INO80: variants seen among roughly 807,000 people sequenced by gnomAD.
INO80 encodes the protein INO80 complex ATPase subunit.
A neutral mutation model predicts 203.4 loss-of-function variants in INO80; 20 were observed. The ratio of observed to expected loss-of-function variants is 0.10; its 90% CI spans 0.07 to 0.14. The LOEUF (loss-of-function observed/expected upper bound fraction) is 0.14. INO80 is among the 10% of genes least tolerant of loss of function. INO80 has a pLI of 1.00. For missense variants in INO80, 1,419 were observed against 1,914.4 expected (o/e 0.74, Z 4.83); for synonymous variants, 726 against 685.2 (o/e 1.06, Z -0.93).
chr15:41,050,865 G>A (rs1488045352), intron 19 of INO80, among the ~76,000 whole-genome samples: 3 of 152,136 alleles, frequency 2.0e-5, no homozygotes, highest in Non-Finnish European at 4.4e-5. Flanking sequence ...CGGACGCAGT[G>A]GCTCACGCCT....
chr15:41,094,585 AATCAAC>A (rs2045692900), intron 4 of INO80, among the ~76,000 whole-genome samples: 1 of 152,192 alleles, frequency 6.6e-6, no homozygotes, highest in Non-Finnish European at 1.5e-5. Context: ...GGATGCACTA[AATCAAC>A]ATCTGTTAAA....
chr15:41,037,459 G>A (rs1220654227), intron 24 of INO80, among the ~76,000 whole-genome samples: 12 of 151,654 alleles, frequency 7.9e-5, no homozygotes, highest in African/African-American at 2.2e-4. Flanking sequence ...AGCCAATATC[G>A]TGCCACTGCA....
rs543027834 is a variant in INO80, at chr15:41,039,853, G to A, written c.2907+5051C>T. 8.5e-5 allele frequency among the ~76,000 whole-genome samples: 13 copies of A among 152,200 alleles called. No homozygotes were observed. In the South Asian group the frequency reaches 2.3e-3, roughly 27 times the overall value. ...CCTACTCAAATAAACTGCTCACATC[G>A]GTGGTTTCCAAGGTAGGCACACGTA... On this transcript the variant is annotated intron_variant, in intron 24 of 35. Coordinates refer to ENST00000648947, the MANE Select transcript of INO80 (RefSeq NM_017553.3).
chr15:40,989,947 T>C (rs2043794631), intron 29 of INO80, among the ~76,000 whole-genome samples: 1 of 152,198 alleles, frequency 6.6e-6, no homozygotes, highest in African/African-American at 2.4e-5. Context: ...CAGGTTTAGT[T>C]CAAGCTTCTA....
chr15:40,987,360 G>A (rs531754213), intron 30 of INO80, among the ~76,000 whole-genome samples, 167 bp from the exon 31 acceptor site: 1 of 152,164 alleles, frequency 6.6e-6, no homozygotes, highest in Non-Finnish European at 1.5e-5. Flanking sequence ...GGCTCATCCA[G>A]ATTATTTGTC....
chr15:40,988,325 T>C (rs2043768977), intron 29 of INO80, among the ~76,000 whole-genome samples: 1 of 152,228 alleles, frequency 6.6e-6, no homozygotes, highest in Non-Finnish European at 1.5e-5. Flanking sequence ...TTATCACTGT[T>C]ATTTGTGCTG....
intron 5 of INO80, among the ~76,000 whole-genome samples, chr15:41,089,116 G>C (rs1198382672): frequency 6.6e-6 from 1 of 152,180 alleles, no homozygotes; most frequent in African/African-American, 2.4e-5. Flanking sequence ...CCTGAACCCA[G>C]GAGGCAGAGG....
intron 31 of INO80, among the ~76,000 whole-genome samples, chr15:40,986,195 T>G (rs2043730246): frequency 6.6e-6 from 1 of 152,282 alleles, no homozygotes; most frequent in Admixed American, 6.5e-5. Flanking sequence ...AACATTTTTC[T>G]GGGCAGAAGA....
At position 41,092,171 on chromosome 15, in the gene INO80, T is replaced by C. The variant is rs1178064527; in HGVS notation, c.393A>G (p.Leu131=). Residue 131 remains leucine (L), a synonymous_variant, in exon 5 of 36, where the codon CTA becomes CTG. Transcript: ENST00000648947. The stretch of plus-strand genomic sequence containing the variant: ...AATCAGCCTCGCTGGATTCATCACT[T>C]AGCAGAATGCTCTGAAAAGGGTGAA... The part of the protein sequence containing the change: ...KSRKWLKSIL[L]SDESSEADSQ... 3.1e-6 allele frequency: 5 copies of C among 1,598,384 alleles called. No individual in the cohort carries two copies. The highest frequency in any genetic ancestry group is 4.3e-6 in the Non-Finnish European group (5 of 1,167,386).
In INO80 at chr15:41,055,305, A is replaced by G; in HGVS notation, c.2130T>C (p.Asn710=). Residue 710 remains asparagine (N), a synonymous_variant, in exon 18 of 36, where the codon AAT becomes AAC. Coordinates refer to ENST00000648947, the MANE Select transcript of INO80 (RefSeq NM_017553.3). The stretch of plus-strand genomic sequence containing the variant: ...TCTCAATGTCCTTGGAAAACCATTC[A>G]TTAAATTCCTCATGTGAATCAAATA... ...PTLFDSHEEF[N]EWFSKDIESH... 1 of 1,613,480 alleles carries G rather than the reference A, an allele frequency of 6.2e-7. No individual in the cohort carries two copies. Among genetic ancestry groups the G allele is most frequent in the Non-Finnish European group, 8.5e-7 (1 of 1,179,716 alleles).
At chr15:41,036,195 A>C (rs1484435273) in intron 24 of INO80, among the ~76,000 whole-genome samples, 3 of 150,810 alleles carry the variant, frequency 2.0e-5, no homozygotes, top group African/African-American at 7.3e-5. Flanking sequence ...ACCCAAAAAA[A>C]CCACATAGCT....
chr15:41,008,766 C>T (rs958878414), intron 27 of INO80, among the ~76,000 whole-genome samples: 5 of 152,174 alleles, frequency 3.3e-5, no homozygotes, highest in African/African-American at 1.2e-4. Flanking sequence ...GCACTTGTAC[C>T]ACCTGAGGTC....
At chr15:41,086,026 T>G (rs2045557574) in intron 6 of INO80, among the ~76,000 whole-genome samples, 2 of 152,070 alleles carry the variant, frequency 1.3e-5, no homozygotes, top group Admixed American at 1.3e-4. Flanking sequence ...ACCAAATTTC[T>G]TTTGAACCTA....
At chr15:41,096,097 C>T in intron 2 of INO80, 71 bp downstream of exon 2, 1 of 1,482,348 alleles carries the variant, frequency 6.7e-7, no homozygotes, top group South Asian at 1.4e-5. Context: ...ATACTTTAAT[C>T]CTGTAAAATC....
At chr15:40,986,036 A>G (rs1445964367) in intron 31 of INO80, among the ~76,000 whole-genome samples, 3 of 152,200 alleles carry the variant, frequency 2.0e-5, no homozygotes, top group Non-Finnish European at 4.4e-5. Flanking sequence ...GGTGCTGGCA[A>G]ATGTGAACTT....
intron 29 of INO80, among the ~76,000 whole-genome samples, chr15:40,993,427 G>A (rs1397839722): frequency 1.3e-5 from 2 of 152,230 alleles, no homozygotes; most frequent in Non-Finnish European, 2.9e-5. Flanking sequence ...ACCTCATACA[G>A]CCTCTTAAAT....
chr15:41,008,224 T>TACACACAC (rs71104765), intron 27 of INO80, among the ~76,000 whole-genome samples: 2,178 of 148,904 alleles, frequency 0.015, 50 homozygotes, highest in African/African-American at 0.051. Context: ...TATATATACA[T>TACACACAC]ACACACACAC....
intron 9 of INO80, 70 bp from the exon 10 acceptor site, chr15:41,074,635 C>A: frequency 9.8e-7 from 1 of 1,022,204 alleles, no homozygotes; most frequent in East Asian, 2.6e-5. Flanking sequence ...CAGAATTCAC[C>A]ACTTATATTT....
At chr15:41,046,323 G>A (rs2044766942) in intron 23 of INO80, among the ~76,000 whole-genome samples, 1 of 139,626 alleles carries the variant, frequency 7.2e-6, no homozygotes, top group South Asian at 2.3e-4. Context: ...TCCACCTCCT[G>A]GGTTCCAGTG....
Sources: allele counts gnomAD v4.1 joint callset (sites outside exome capture counted in the v4.1 genomes callset), GRCh38; gene constraint gnomAD v4.1.1; transcripts MANE v1.5; gene names NCBI Gene and HGNC (gene_info 2026-07-23, HGNC 2026-07-21).